The following CCDC60 variants were observed in gnomAD, a reference collection of about 807,000 sequenced individuals.
The protein encoded by CCDC60 is coiled-coil domain-containing protein 60.
In CCDC60, 54 loss-of-function variants were observed where a neutral mutation model predicts 63.5. The observed-to-expected ratio is 0.85, with a 90% CI of 0.68 to 1.07. The LOEUF (loss-of-function observed/expected upper bound fraction) is 1.07. Among genes scored for constraint, CCDC60 ranks in the 50% least tolerant of loss-of-function variants. CCDC60 has a pLI of 0.00. For missense variants in CCDC60, 651 were observed against 684.3 expected (o/e 0.95, Z 0.54); for synonymous variants, 206 against 238.8 (o/e 0.86, Z 1.27).
intron 1 of CCDC60, among the ~76,000 whole-genome samples, chr12:119,412,314 C>T (rs1189615608): frequency 6.6e-6 from 1 of 152,016 alleles, no homozygotes; most frequent in African/African-American, 2.4e-5. Context: ...CAATGGGAGG[C>T]TGTGTTTCTT....
intron 1 of CCDC60, among the ~76,000 whole-genome samples, chr12:119,398,467 A>G (rs1034495055): frequency 6.6e-6 from 1 of 152,156 alleles, no homozygotes; most frequent in Non-Finnish European, 1.5e-5. Flanking sequence ...AGCCTCGGCC[A>G]GCCCTGAGAG....
Position 119,456,012 on chromosome 12 carries a change from AAAG to A in CCDC60, c.171-15979_171-15977del, listed in dbSNP as rs1172696580. 1.1e-5 allele frequency among the ~76,000 whole-genome samples: 1 copy of A among 89,006 alleles called. No individual in the cohort carries two copies. The highest frequency in any genetic ancestry group is 5.2e-5 in the African/African-American group (1 of 19,252). 58.4% of individuals were successfully genotyped at this position (89,006 alleles called of 152,430 possible). A position where few individuals can be genotyped will look rare whatever the true frequency, so the allele number is the denominator to read the frequency against. ...AAGAGAGAGAGAAAGAGAAAGAAAG[AAAG>A]AAAGAAAGAAAGAAAGAAAGAAAGA... is the stretch of plus-strand genomic sequence containing the variant. On this transcript the variant is annotated intron_variant, in intron 2 of 13. Transcript: ENST00000327554. This position sits in a 1 kb window ranked among gnomAD's most constrained non-coding sequence, Gnocchi z 4.6.
At chr12:119,532,430 T>TATTATTATC (rs965773804) in intron 13 of CCDC60, among the ~76,000 whole-genome samples, 4,376 of 147,472 alleles carry the variant, frequency 0.03, 208 homozygotes, top group African/African-American at 0.1. Flanking sequence ...TTATTATTAT[T>TATTATTATC]ATCATTATAC....
Position 119,511,374 on chromosome 12 carries a change from A to G in CCDC60, c.884-5249A>G, listed in dbSNP as rs144857118. On this transcript the variant is annotated intron_variant, in intron 7 of 13. Coordinates refer to ENST00000327554, the MANE Select transcript of CCDC60 (RefSeq NM_178499.5). ...CTGGAGACAGCAGGTTGCAGCCTCT[A>G]TGGGGAATGATCCCCTCCCCAAATC... is the stretch of plus-strand genomic sequence containing the variant. Among the ~76,000 whole-genome samples, 296 of 152,346 alleles carry G rather than the reference A, an allele frequency of 1.9e-3. 1 individual carries two copies. Among genetic ancestry groups the G allele is most frequent in the African/African-American group, 6.7e-3 (280 of 41,572 alleles).
chr12:119,497,431 G>T (rs1294280113), intron 5 of CCDC60, among the ~76,000 whole-genome samples: 3 of 152,200 alleles, frequency 2.0e-5, no homozygotes, highest in Non-Finnish European at 4.4e-5. Context: ...CTTTATCAAT[G>T]GGTTTGCAAG....
At chr12:119,364,343 C>T (rs1955819981) in intron 1 of CCDC60, among the ~76,000 whole-genome samples, 1 of 152,168 alleles carries the variant, frequency 6.6e-6, no homozygotes, top group African/African-American at 2.4e-5. Flanking sequence ...TTATAGTCCC[C>T]AAAAGACCTC....
chr12:119,391,956 G>T (rs1440898279), intron 1 of CCDC60, among the ~76,000 whole-genome samples: 1 of 152,122 alleles, frequency 6.6e-6, no homozygotes, highest in Non-Finnish European at 1.5e-5. Flanking sequence ...CTGTGCAATT[G>T]GGTGTGCAAT....
At chr12:119,400,047 CTTTTTTTTT>C (rs550702095) in intron 1 of CCDC60, among the ~76,000 whole-genome samples, 1 of 131,810 alleles carries the variant, frequency 7.6e-6, no homozygotes, top group Non-Finnish European at 1.6e-5. Context: ...GGTTGGTTTC[CTTTTTTTTT>C]TTTTTTTTTT....
intron 1 of CCDC60, among the ~76,000 whole-genome samples, chr12:119,400,349 C>G (rs867791144): frequency 3.3e-5 from 5 of 152,114 alleles, no homozygotes; most frequent in South Asian, 4.1e-4. Context: ...GCGCCCGGCC[C>G]GGTTGGTTTC....
intron 7 of CCDC60, among the ~76,000 whole-genome samples, chr12:119,506,421 G>A (rs374931167): frequency 1.7e-4 from 25 of 143,910 alleles, no homozygotes; most frequent in Non-Finnish European, 2.6e-4. Context: ...TGGGCAACGT[G>A]GTGAAACCTC....
At chr12:119,372,983 GA>G (rs1955913213) in intron 1 of CCDC60, among the ~76,000 whole-genome samples, 1 of 152,144 alleles carries the variant, frequency 6.6e-6, no homozygotes, top group Non-Finnish European at 1.5e-5. Flanking sequence ...TTACTGTAAA[GA>G]AAAATATTAA....
intron 13 of CCDC60, among the ~76,000 whole-genome samples, chr12:119,532,396 C>CTATTATTATTATTAT (rs71451846): frequency 0.011 from 1,635 of 142,304 alleles, 7 homozygotes; most frequent in Middle Eastern, 0.022. Context: ...CATCACAGAA[C>CTATTATTATTATTAT]TATTATTATT....
At position 119,428,729 on chromosome 12, in the gene CCDC60, T is replaced by C; in HGVS notation, c.137T>C (p.Ile46Thr). 3 of 1,606,594 alleles carry C rather than the reference T, an allele frequency of 1.9e-6. No individual in the cohort carries two copies. The highest frequency in any genetic ancestry group is 2.6e-6 in the Non-Finnish European group (3 of 1,175,512). Residue 46 changes from isoleucine (I) to threonine (T), a missense_variant, in exon 2 of 14, where the codon ATA (isoleucine) becomes ACA (threonine). By Grantham distance (89) the Ile-to-Thr change is moderately conservative. Transcript: ENST00000327554. ...MKSIKYMDKE[I>T]INLKKDLIRS... ...AGCATCAAGTATATGGACAAGGAAA[T>C]AATAAACCTCAAAAAGGACCTTATA...
Position 119,456,060 on chromosome 12 carries a change from A to AAGC in CCDC60, c.171-15933_171-15932insGCA, listed in dbSNP as rs1566019638. Reference sequence around the variant, plus strand: ...GAAAGAAAGAAAGAAAGAAAGAAAGAAAGCAAGCAAGCATGTGCAATTTCA... The same window carrying AAGC: ...GAAAGAAAGAAAGAAAGAAAGAAAGAAGCAAGCAAGCAAGCATGTGCAATTTCA... On this transcript the variant is annotated intron_variant, in intron 2 of 13. Transcript: ENST00000327554. The surrounding 1 kb of genome is among the most constrained non-coding windows in gnomAD (Gnocchi z 4.6). Among the ~76,000 whole-genome samples, 1,697 of 118,576 alleles carry AAGC rather than the reference A, an allele frequency of 0.014. 31 individuals carry two copies. Among genetic ancestry groups the AAGC allele is most frequent in the Admixed American group, 0.021 (240 of 11,382 alleles). The allele number at this position is 118,576 out of a possible 152,430, so 77.8% of individuals were successfully genotyped here.
intron 1 of CCDC60, among the ~76,000 whole-genome samples, chr12:119,389,912 C>T (rs2136195359): frequency 6.6e-6 from 1 of 152,274 alleles, no homozygotes. Context: ...ACAAAGATGA[C>T]TTTCTCTTCT....
At chr12:119,516,553 C>T (rs1593202627) in intron 7 of CCDC60, 70 bp from the exon 8 acceptor site, 23 of 1,068,720 alleles carry the variant, frequency 2.2e-5, no homozygotes, top group East Asian at 9.5e-5. Flanking sequence ...TGGGGGGCTG[C>T]ACCCTGTTCT....
chr12:119,436,585 C>T (rs2035711749), intron 2 of CCDC60, among the ~76,000 whole-genome samples: 2 of 150,452 alleles, frequency 1.3e-5, no homozygotes, highest in South Asian at 4.2e-4. Context: ...GTTGCCCAGG[C>T]TGGAGTGCAA....
chr12:119,458,730 G>GTTTTGTTTTTGT (rs571350129), intron 2 of CCDC60, among the ~76,000 whole-genome samples: 4,396 of 151,380 alleles, frequency 0.029, 244 homozygotes, highest in African/African-American at 0.1. Context: ...AGAGAGATTT[G>GTTTTGTTTTTGT]TTTTGTTTTT....
chr12:119,383,840 C>A (rs1023576262), intron 1 of CCDC60, among the ~76,000 whole-genome samples: 3 of 152,190 alleles, frequency 2.0e-5, no homozygotes, highest in Non-Finnish European at 1.5e-5. Flanking sequence ...GTGTTATAAG[C>A]TGATGAAAAG....
Sources: gnomAD v4.1 joint callset for allele counts (sites outside exome capture counted in the v4.1 genomes callset) on GRCh38, gnomAD v4.1.1 for gene constraint, Gnocchi (gnomAD v3.1) non-coding constraint, MANE v1.5 for transcripts, NCBI Gene and HGNC (gene_info 2026-07-23, HGNC 2026-07-21) for gene names.